Variants in UNC79 observed in about 807,000 individuals in gnomAD.
UNC79 encodes protein unc-79 homolog.
A neutral mutation model predicts 283.1 loss-of-function variants in UNC79; 37 were observed. The ratio of observed to expected loss-of-function variants is 0.13; its 90% CI spans 0.10 to 0.17. The LOEUF is 0.17. UNC79 is among the 10% of genes least tolerant of loss of function. UNC79 has a pLI of 1.00. For missense variants in UNC79, 2,272 were observed against 3,211.1 expected (o/e 0.71, Z 7.07); for synonymous variants, 1,107 against 1,200.2 (o/e 0.92, Z 1.61).
intron 1 of UNC79, among the ~76,000 whole-genome samples, chr14:93,423,808 G>A (rs1209429429): frequency 6.6e-6 from 1 of 152,130 alleles, no homozygotes; most frequent in Non-Finnish European, 1.5e-5. Context: ...AACTGGCAAA[G>A]ATTTCCTGAG....
chr14:93,418,051 G>A (rs1408104079), intron 1 of UNC79, among the ~76,000 whole-genome samples: 6 of 151,500 alleles, frequency 4.0e-5, no homozygotes, highest in Middle Eastern at 3.4e-3. Flanking sequence ...GCTTTGTTCC[G>A]TTGCTGGTGA....
intron 11 of UNC79, among the ~76,000 whole-genome samples, chr14:93,533,609 T>G (rs938673810): frequency 1.7e-4 from 26 of 152,158 alleles, no homozygotes; most frequent in African/African-American, 6.3e-4. Context: ...GGGGCTAGGC[T>G]GGACTTGTTC....
chr14:93,427,156 G>T (rs1461419238), upstream of UNC79, among the ~76,000 whole-genome samples: 1 of 152,156 alleles, frequency 6.6e-6, no homozygotes, highest in Non-Finnish European at 1.5e-5. Flanking sequence ...TTGGGCAGAG[G>T]TAAATAGGTG....
chr14:93,466,786 C>G, intron 1 of UNC79: 1 of 912,776 alleles, frequency 1.1e-6, no homozygotes, highest in Non-Finnish European at 1.3e-6. Context: ...ACCAGAGAGA[C>G]GTTGATCATC....
chr14:93,689,861 G>C, intron 44 of UNC79: 1 of 446,780 alleles, frequency 2.2e-6, no homozygotes, highest in Middle Eastern at 6.0e-4. Flanking sequence ...GAGGCAGTCA[G>C]CCTTGTGGAA....
chr14:93,702,350 A>G (rs1297491001), intron 47 of UNC79, among the ~76,000 whole-genome samples: 1 of 152,196 alleles, frequency 6.6e-6, no homozygotes, highest in East Asian at 1.9e-4. Flanking sequence ...GATACACACC[A>G]TACTCCATTT....
At chr14:93,473,097 T>G (rs1398177898) in intron 2 of UNC79, among the ~76,000 whole-genome samples, 1 of 152,066 alleles carries the variant, frequency 6.6e-6, no homozygotes, top group Non-Finnish European at 1.5e-5. Context: ...TTAGAATTTA[T>G]TTTTATTCCC....
chr14:93,675,854 A>G (rs2140705212), intron 41 of UNC79, among the ~76,000 whole-genome samples: 1 of 152,322 alleles, frequency 6.6e-6, no homozygotes, highest in African/African-American at 2.4e-5. Context: ...ATCAGAATGA[A>G]GTGGCTCTTA....
intron 10 of UNC79, among the ~76,000 whole-genome samples, chr14:93,530,918 AC>A (rs2060794065): frequency 6.6e-6 from 1 of 152,206 alleles, no homozygotes; most frequent in Non-Finnish European, 1.5e-5. Context: ...CAGAAAAAAA[AC>A]AAAACAAACA....
intron 4 of UNC79, 128 bp from the exon 5 acceptor site, chr14:93,487,535 A>G: frequency 1.5e-6 from 1 of 672,996 alleles, no homozygotes; most frequent in Non-Finnish European, 2.4e-6. Flanking sequence ...CATTTGTGCA[A>G]AACTTCCATT....
At chr14:93,599,771 C>T (rs774625071) in intron 24 of UNC79, among the ~76,000 whole-genome samples, 4 of 152,242 alleles carry the variant, frequency 2.6e-5, no homozygotes, top group Non-Finnish European at 5.9e-5. Flanking sequence ...GTTCCACTCA[C>T]ATTCCAAGAA....
chr14:93,440,549 T>G (rs2056262050), intron 1 of UNC79, among the ~76,000 whole-genome samples: 1 of 151,890 alleles, frequency 6.6e-6, no homozygotes, highest in Admixed American at 6.6e-5. Flanking sequence ...TTTTAAATTT[T>G]TATTGAGATA....
At chr14:93,566,377 C>T (rs372682266) in intron 14 of UNC79, among the ~76,000 whole-genome samples, 1 of 152,056 alleles carries the variant, frequency 6.6e-6, no homozygotes, top group African/African-American at 2.4e-5. Context: ...TTCTAAAAAG[C>T]ATTGGTAGGG....
chr14:93,484,863 T>A (rs2058332474), intron 4 of UNC79, among the ~76,000 whole-genome samples: 1 of 152,194 alleles, frequency 6.6e-6, no homozygotes, highest in Non-Finnish European at 1.5e-5. Flanking sequence ...GCAGCCAGTT[T>A]TCTAGGGCTT....
At chr14:93,504,455 T>G (rs12434402) in intron 7 of UNC79, among the ~76,000 whole-genome samples, 2,084 of 152,140 alleles carry the variant, frequency 0.014, 59 homozygotes, top group African/African-American at 0.048. Flanking sequence ...TAATATTGAA[T>G]CTTCCAATCC....
intron 1 of UNC79, chr14:93,397,345 A>T (rs1337399708): frequency 1.3e-5 from 2 of 152,186 alleles, no homozygotes; most frequent in South Asian, 2.1e-4. Flanking sequence ...CAGACAACTT[A>T]TCTGAATTTC....
intron 1 of UNC79, among the ~76,000 whole-genome samples, chr14:93,380,702 A>G (rs1446157254): frequency 6.6e-6 from 1 of 152,208 alleles, no homozygotes; most frequent in African/African-American, 2.4e-5. Flanking sequence ...GGTCTGTGGT[A>G]TATAGAAGGT....
At chr14:93,470,003 A>G (rs2057418706) in intron 2 of UNC79, among the ~76,000 whole-genome samples, 1 of 152,238 alleles carries the variant, frequency 6.6e-6, no homozygotes, top group Non-Finnish European at 1.5e-5. Context: ...ATTATTATAT[A>G]TTGTTTAATA....
At chr14:93,453,736 AC>A (rs1318229325) in intron 1 of UNC79, among the ~76,000 whole-genome samples, 1 of 152,218 alleles carries the variant, frequency 6.6e-6, no homozygotes, top group Non-Finnish European at 1.5e-5. Context: ...AGTCTTTATA[AC>A]CTAACCCAGT....
Sources: allele counts gnomAD v4.1 joint callset (sites outside exome capture counted in the v4.1 genomes callset), GRCh38; gene constraint gnomAD v4.1.1; transcripts MANE v1.5; gene names NCBI Gene and HGNC (gene_info 2026-07-23, HGNC 2026-07-21).